TMED2: variants seen among roughly 807,000 people sequenced by gnomAD.
TMED2 encodes transmembrane emp24 domain-containing protein 2.
A neutral mutation model predicts 17.5 loss-of-function variants in TMED2; 3 were observed. That is an observed-to-expected ratio of 0.17 (90% confidence interval 0.08 to 0.44). The LOEUF is 0.44. Ranked by LOEUF, TMED2 falls within the 20% of genes least tolerant of loss-of-function variation. The pLI is 0.99. For synonymous variants in TMED2, 95 were observed against 91.0 expected (o/e 1.04, Z -0.25); for missense variants, 149 against 254.8 (o/e 0.58, Z 2.83).
intron 2 of TMED2, among the ~76,000 whole-genome samples, chr12:123,588,298 T>C (rs931726875): frequency 6.6e-6 from 1 of 152,170 alleles, no homozygotes; most frequent in Non-Finnish European, 1.5e-5. Context: ...CTCCCAGATA[T>C]TCAGTATCAG....
At chr12:123,595,541 A>G (rs946490066) in intron 3 of TMED2, among the ~76,000 whole-genome samples, 1 of 152,186 alleles carries the variant, frequency 6.6e-6, no homozygotes, top group African/African-American at 2.4e-5. Flanking sequence ...TGCATTTTGG[A>G]TAACTGTGAT....
At chr12:123,589,546 G>A (rs1953376624) in intron 2 of TMED2, among the ~76,000 whole-genome samples, 1 of 152,098 alleles carries the variant, frequency 6.6e-6, no homozygotes, top group East Asian at 1.9e-4. Context: ...ATTTCCTGGG[G>A]TTGTTTTCCT....
intron 2 of TMED2, 90 bp downstream of exon 2, chr12:123,587,029 T>G: frequency 9.9e-6 from 12 of 1,208,352 alleles, no homozygotes; most frequent in Non-Finnish European, 1.3e-5. Flanking sequence ...AGTACTTATT[T>G]TTTTTAAATT....
At position 123,584,768 on chromosome 12, in the gene TMED2, C is replaced by A. The variant is rs1295928768; in HGVS notation, c.132C>A (p.Gly44=). 2 of 1,613,350 alleles carry A rather than the reference C, an allele frequency of 1.2e-6. No homozygotes were observed. The highest frequency in any genetic ancestry group is 2.2e-5 in the South Asian group (2 of 91,090). ...FERVTSGTKM[G]LIFEVAEGGF... ...GGGTCACCTCGGGCACCAAGATGGG[C>A]CTCATCTTCGAGGTGGCGGAGGGCG... Residue 44 remains glycine, a synonymous_variant, in exon 1 of 4, where the codon GGC becomes GGA. Transcript: ENST00000262225.
At chr12:123,594,367 C>G (rs566005133) in intron 3 of TMED2, among the ~76,000 whole-genome samples, 1 of 151,868 alleles carries the variant, frequency 6.6e-6, no homozygotes, top group Non-Finnish European at 1.5e-5. Flanking sequence ...ATCTCCTGAC[C>G]TCGTGATCCA....
rs1377725827 is a variant in TMED2, at chr12:123,598,405, C to G, written c.*1676C>G. ...GGAAAAAAGGGTTGAATTATTTTCA[C>G]TTGCCCACGTAGTTTATGAATGTGG... On this transcript the variant is annotated 3_prime_UTR_variant, in exon 4 of 4. Coordinates refer to ENST00000262225, the MANE Select transcript of TMED2 (RefSeq NM_006815.4). 1 of 152,168 alleles carries G rather than the reference C, an allele frequency of 6.6e-6. No individual in the cohort carries two copies. The highest frequency in any genetic ancestry group is 1.9e-4 in the East Asian group (1 of 5,194). The allele number at this position is 152,168 out of a possible 1,614,324, so 9.4% of individuals were successfully genotyped here.
chr12:123,587,637 T>C (rs1175670795), intron 2 of TMED2: 1 of 1,279,672 alleles, frequency 7.8e-7, no homozygotes, highest in Non-Finnish European at 1.0e-6. Context: ...GGATGGTATG[T>C]GGATTGCTTT....
chr12:123,590,245 A>C (rs1354304300), intron 2 of TMED2, 97 bp from the exon 3 acceptor site: 2 of 878,132 alleles, frequency 2.3e-6, no homozygotes, highest in Non-Finnish European at 3.3e-6. Flanking sequence ...ATTGAGCACC[A>C]CTGCACTCCA....
In TMED2 at chr12:123,590,332, C is replaced by T. The variant is rs1363894470; in HGVS notation, c.374-10C>T. Reference sequence around the variant, plus strand: ...TGACAAATGTGTTTTGTTTTCAAATCCTTCTATAGCTCACCAGAACAAGCT... The same window carrying T: ...TGACAAATGTGTTTTGTTTTCAAATTCTTCTATAGCTCACCAGAACAAGCT... On this transcript the variant is annotated splice_polypyrimidine_tract_variant and intron_variant, in intron 2 of 3. Transcript: ENST00000262225. 1.9e-6 allele frequency: 3 copies of T among 1,563,210 alleles called. No individual in the cohort carries two copies. The highest frequency in any genetic ancestry group is 2.6e-6 in the Non-Finnish European group (3 of 1,154,860).
intron 2 of TMED2, chr12:123,587,751 A>G: frequency 1.2e-6 from 1 of 829,020 alleles, no homozygotes; most frequent in South Asian, 1.8e-5. Flanking sequence ...TTCTCTTAAA[A>G]AACCCCTACA....
intron 2 of TMED2, chr12:123,587,694 C>T: frequency 8.1e-7 from 1 of 1,229,920 alleles, no homozygotes; most frequent in Non-Finnish European, 1.0e-6. Flanking sequence ...TGTCTAATTT[C>T]TGCTTTCTTT....
At position 123,598,482 on chromosome 12, in the gene TMED2, G is replaced by C. The variant is rs1953447682; in HGVS notation, c.*1753G>C. Reference sequence around the variant, plus strand: ...GATTTGCCCAAGGCCACAGAAAAGAGTGAAAGGTGGAACCGGAGACTAGAT... The same window carrying C: ...GATTTGCCCAAGGCCACAGAAAAGACTGAAAGGTGGAACCGGAGACTAGAT... On this transcript the variant is annotated 3_prime_UTR_variant, in exon 4 of 4. Coordinates refer to ENST00000262225, the MANE Select transcript of TMED2 (RefSeq NM_006815.4). The C allele has an allele frequency of 6.6e-6, 1 of 152,224 alleles. No individual in the cohort carries two copies. Among genetic ancestry groups the C allele is most frequent in the African/African-American group, 2.4e-5 (1 of 41,460 alleles). 9.4% of individuals were successfully genotyped at this position (152,224 alleles called of 1,614,324 possible).
chr12:123,588,593 CTTG>C (rs766810613), intron 2 of TMED2, among the ~76,000 whole-genome samples: 9 of 152,190 alleles, frequency 5.9e-5, no homozygotes, highest in Non-Finnish European at 1.2e-4. Context: ...CTTGCTTTTG[CTTG>C]TTAATGTCAG....
chr12:123,589,559 C>T (rs964506425), intron 2 of TMED2, among the ~76,000 whole-genome samples: 3 of 152,076 alleles, frequency 2.0e-5, no homozygotes, highest in Admixed American at 1.3e-4. Flanking sequence ...GTTTTCCTTT[C>T]CTTAGTAAGC....
intron 2 of TMED2, chr12:123,587,480 G>A (rs976526710): frequency 7.4e-6 from 4 of 537,852 alleles, no homozygotes; most frequent in Admixed American, 5.1e-5. Flanking sequence ...GGTTCCATGT[G>A]TCTTCAGTTA....
rs567109661 is a variant in TMED2, at chr12:123,584,629, G to A, written c.-8G>A. The A allele has an allele frequency of 1.2e-6, 2 of 1,608,504 alleles. No homozygotes were observed. Among genetic ancestry groups the A allele is most frequent in the African/African-American group, 2.7e-5 (2 of 74,956 alleles). The stretch of plus-strand genomic sequence containing the variant: ...AGTCCGGGTCCTGGCTTCGGCCTCA[G>A]CCCCACCATGGTGACGCTTGCTGAA... On this transcript the variant is annotated 5_prime_UTR_variant, in exon 1 of 4. Coordinates refer to ENST00000262225, the MANE Select transcript of TMED2 (RefSeq NM_006815.4).
intron 1 of TMED2, chr12:123,586,398 T>G (rs1256839562): frequency 6.4e-6 from 1 of 155,222 alleles, no homozygotes; most frequent in East Asian, 1.8e-4. Flanking sequence ...TCGCCCAGGC[T>G]GGAGTGCAGT....
chr12:123,589,732 GAA>G (rs1207480667), intron 2 of TMED2, among the ~76,000 whole-genome samples: 1 of 151,768 alleles, frequency 6.6e-6, no homozygotes, highest in Non-Finnish European at 1.5e-5. Flanking sequence ...TGAGGATTTT[GAA>G]AAGTTATTTT....
In TMED2 at chr12:123,588,969, T is replaced by C. The variant is rs564144601; in HGVS notation, c.374-1373T>C. On this transcript the variant is annotated intron_variant, in intron 2 of 3. Transcript: ENST00000262225. ...AGGCCCTTGGTTTCTCCTAAGAAAC[T>C]TGGGGTTGTCTGCGAGAATCTGGAA... 2.6e-5 allele frequency among the ~76,000 whole-genome samples: 4 copies of C among 152,300 alleles called. No individual in the cohort carries two copies. In the East Asian group the frequency reaches 7.7e-4, roughly 29 times the overall value.
Sources: allele counts gnomAD v4.1 joint callset (sites outside exome capture counted in the v4.1 genomes callset), GRCh38; gene constraint gnomAD v4.1.1; transcripts MANE v1.5; gene names NCBI Gene and HGNC (gene_info 2026-07-23, HGNC 2026-07-21).